Variants in C8orf34 observed in about 807,000 individuals in gnomAD.
C8orf34 encodes uncharacterized protein C8orf34.
Under a neutral mutation model 68.3 loss-of-function variants are expected in C8orf34, and 65 were observed. That is an observed-to-expected ratio of 0.95 (90% CI 0.78 to 1.17). The LOEUF (loss-of-function observed/expected upper bound fraction) is 1.17, where lower values mean the gene tolerates loss of function less well. Ranked by LOEUF, C8orf34 falls within the 50% of genes most tolerant of loss-of-function variation. C8orf34 has a pLI of 0.00. For missense variants in C8orf34, 664 were observed against 655.4 expected (o/e 1.01, Z -0.14); for synonymous variants, 244 against 241.2 (o/e 1.01, Z -0.11).
chr8:68,544,335 A>G (rs533214805), intron 7 of C8orf34, among the ~76,000 whole-genome samples: 4 of 152,294 alleles, frequency 2.6e-5, no homozygotes, highest in African/African-American at 4.8e-5. Flanking sequence ...TGGTCACTCA[A>G]AGGAAACCTT....
At chr8:68,571,003 CTT>C (rs1274037033) in intron 7 of C8orf34, among the ~76,000 whole-genome samples, 1 of 152,154 alleles carries the variant, frequency 6.6e-6, no homozygotes, top group Non-Finnish European at 1.5e-5. Context: ...TTGTTCCTCT[CTT>C]ATCATGAAGC....
At chr8:68,432,665 G>A (rs991379286) in intron 1 of C8orf34, among the ~76,000 whole-genome samples, 58 of 152,118 alleles carry the variant, frequency 3.8e-4, no homozygotes, top group African/African-American at 1.3e-3. Flanking sequence ...AATAAGATAA[G>A]TAGATTTAGG....
chr8:68,422,607 A>G (rs1458159665), intron 1 of C8orf34, among the ~76,000 whole-genome samples: 1 of 152,118 alleles, frequency 6.6e-6, no homozygotes, highest in African/African-American at 2.4e-5. Context: ...CACAGTGCCA[A>G]CTGTTGGTGG....
chr8:68,707,816 T>C (rs1001158592), intron 8 of C8orf34, among the ~76,000 whole-genome samples: 2 of 152,172 alleles, frequency 1.3e-5, no homozygotes, highest in African/African-American at 4.8e-5. Context: ...TTTTTACTTA[T>C]ACCTTTAAAT....
At chr8:68,482,875 T>C (rs1812920174) in intron 4 of C8orf34, among the ~76,000 whole-genome samples, 1 of 152,162 alleles carries the variant, frequency 6.6e-6, no homozygotes, top group Admixed American at 6.5e-5. Flanking sequence ...AACTAATATT[T>C]CCAAGTTATA....
chr8:68,633,206 T>C (rs973474806), intron 7 of C8orf34, among the ~76,000 whole-genome samples: 1 of 152,132 alleles, frequency 6.6e-6, no homozygotes, highest in South Asian at 2.1e-4. Context: ...CTAAAACTTA[T>C]GTGACGAACT....
At chr8:68,641,950 T>G (rs1031312812) in intron 8 of C8orf34, among the ~76,000 whole-genome samples, 1 of 152,206 alleles carries the variant, frequency 6.6e-6, no homozygotes, top group African/African-American at 2.4e-5. Context: ...CACATACTAG[T>G]CTAAAGACAT....
intron 1 of C8orf34, among the ~76,000 whole-genome samples, chr8:68,344,837 T>TG (rs375803851): frequency 1.1e-3 from 162 of 152,062 alleles, no homozygotes; most frequent in Admixed American, 6.8e-3. Flanking sequence ...TAATTTTTAT[T>TG]GGGGGGGAGT....
chr8:68,722,712 A>T (rs1049146782), intron 10 of C8orf34, among the ~76,000 whole-genome samples: 1 of 152,004 alleles, frequency 6.6e-6, no homozygotes, highest in Admixed American at 6.6e-5. Flanking sequence ...GCAGGGCAAG[A>T]ATTTTTGTAC....
At chr8:68,801,759 G>A (rs1824333338) in intron 12 of C8orf34, among the ~76,000 whole-genome samples, 1 of 152,144 alleles carries the variant, frequency 6.6e-6, no homozygotes. Flanking sequence ...CTAATGGAAA[G>A]AGGAAATACG....
At chr8:68,560,178 T>TG (rs1202090551) in intron 7 of C8orf34, among the ~76,000 whole-genome samples, 7 of 149,040 alleles carry the variant, frequency 4.7e-5, no homozygotes, top group African/African-American at 1.5e-4. Flanking sequence ...AGTGTCGGAG[T>TG]GGCAGACTGG....
intron 6 of C8orf34, among the ~76,000 whole-genome samples, chr8:68,531,319 A>G (rs7009743): frequency 1 from 152,184 of 152,216 alleles, 76,076 homozygotes; most frequent in Middle Eastern, 1. Flanking sequence ...ATCTAATAAA[A>G]GATCATGTGT....
chr8:68,457,933 C>A (rs1811622048), intron 3 of C8orf34, among the ~76,000 whole-genome samples: 1 of 152,038 alleles, frequency 6.6e-6, no homozygotes, highest in African/African-American at 2.4e-5. Flanking sequence ...TGTTTTCAAT[C>A]TATCAGAAAA....
chr8:68,658,325 CAT>C (rs142333455), intron 8 of C8orf34, among the ~76,000 whole-genome samples: 42,323 of 151,738 alleles, frequency 0.28, 6,384 homozygotes, highest in East Asian at 0.56. Flanking sequence ...CTGAGCTATC[CAT>C]TACTGTTCCA....
intron 10 of C8orf34, 21 bp from the exon 11 acceptor site, chr8:68,776,378 T>G: frequency 6.2e-7 from 1 of 1,601,932 alleles, no homozygotes; most frequent in Non-Finnish European, 8.6e-7. Flanking sequence ...CTTTTCAACC[T>G]CTCTTCCTCT....
intron 8 of C8orf34, among the ~76,000 whole-genome samples, chr8:68,704,100 C>T (rs1395242200): frequency 6.6e-6 from 1 of 152,092 alleles, no homozygotes; most frequent in South Asian, 2.1e-4. Context: ...CTAAGCTAGA[C>T]TTTAATTACA....
At chr8:68,576,564 T>G (rs1047531206) in intron 7 of C8orf34, among the ~76,000 whole-genome samples, 4 of 149,798 alleles carry the variant, frequency 2.7e-5, no homozygotes, top group African/African-American at 1.0e-4. Flanking sequence ...GGTAAAGGCT[T>G]TCTTTGGATT....
At chr8:68,698,500 C>G (rs534980471) in intron 8 of C8orf34, among the ~76,000 whole-genome samples, 13 of 152,164 alleles carry the variant, frequency 8.5e-5, no homozygotes, top group African/African-American at 3.1e-4. Flanking sequence ...AGTCAGCTAT[C>G]TAACAGATGC....
At chr8:68,437,963 C>G (rs1261250399) in intron 1 of C8orf34, 3 of 152,098 alleles carry the variant, frequency 2.0e-5, no homozygotes, top group African/African-American at 7.2e-5. Flanking sequence ...ATAAATATCC[C>G]TTAGATAATC....
Sources: gnomAD v4.1 joint callset for allele counts (sites outside exome capture counted in the v4.1 genomes callset) on GRCh38, gnomAD v4.1.1 for gene constraint, MANE v1.5 for transcripts, NCBI Gene and HGNC (gene_info 2026-07-23, HGNC 2026-07-21) for gene names.